NBEAL1: variants seen among roughly 807,000 people sequenced by gnomAD.
The protein encoded by NBEAL1 is neurobeachin-like protein 1.
Under a neutral mutation model 351.3 loss-of-function variants are expected in NBEAL1, and 273 were observed. The observed-to-expected ratio is 0.78, with a 90% confidence interval of 0.70 to 0.86. The LOEUF (loss-of-function observed/expected upper bound fraction) is 0.86. Among genes scored for constraint, NBEAL1 ranks in the 40% least tolerant of loss-of-function variants. The pLI is 0.00. For missense variants in NBEAL1, 2,961 were observed against 3,201.3 expected, an observed-to-expected ratio of 0.92 and a Z score of 1.81; for synonymous variants, 1,050 against 1,086.4, an observed-to-expected ratio of 0.97 and a Z score of 0.66.
rs2062612429 is a variant in NBEAL1, at chr2:203,113,251, G to A, written c.2439G>A (p.Gln813=). Residue 813 remains glutamine (Q), a synonymous_variant, in exon 17 of 56, where the codon CAG becomes CAA. Coordinates refer to ENST00000683969, the MANE Select transcript of NBEAL1 (RefSeq NM_001378026.1). ...GGTGTCCCACATCTCTGGAGGGTCA[G>A]CTAGGATCTGTTATCATCTTTTATG... ...EWGCPTSLEG[Q]LGSVIIFYEP... 5 of 1,510,138 alleles carry A rather than the reference G, an allele frequency of 3.3e-6. No individual in the cohort carries two copies. Among genetic ancestry groups the A allele is most frequent in the Non-Finnish European group, 3.5e-6 (4 of 1,128,432 alleles). 93.5% of individuals were successfully genotyped at this position (1,510,138 alleles called of 1,614,324 possible). A position where few individuals can be genotyped will look rare whatever the true frequency, so the allele number is the denominator to read the frequency against.
rs915419188 is a variant in NBEAL1, at chr2:203,144,829, A to G, written c.5078A>G (p.Asn1693Ser). Reference protein sequence around the residue: ...NLHLPSLPFTNGSSSFFEDFQ... With the variant: ...NLHLPSLPFTSGSSSFFEDFQ... Reference sequence around the variant, plus strand: ...CACCTACCTTCTTTACCTTTTACCAATGGTAGCTCCTCATTTTTTGAAGAT... The same window carrying G: ...CACCTACCTTCTTTACCTTTTACCAGTGGTAGCTCCTCATTTTTTGAAGAT... Residue 1693 changes from asparagine to serine, a missense_variant, in exon 32 of 56, where the codon AAT (asparagine) becomes AGT (serine). Physicochemically the swap from Asn to Ser is conservative, Grantham distance 46 (BLOSUM62 1). Transcript: ENST00000683969. The G allele has an allele frequency of 2.1e-5, 34 of 1,612,782 alleles. No individual in the cohort carries two copies. Among genetic ancestry groups the G allele is most frequent in the Non-Finnish European group, 2.7e-5 (32 of 1,179,600 alleles).
At chr2:203,187,152 C>T (rs2064921556) in intron 44 of NBEAL1, among the ~76,000 whole-genome samples, 1 of 151,884 alleles carries the variant, frequency 6.6e-6, no homozygotes, top group Middle Eastern at 3.2e-3. Context: ...GCAGCCGTGT[C>T]CTCCTGGGCT....
intron 48 of NBEAL1, among the ~76,000 whole-genome samples, chr2:203,198,784 GC>G (rs1470780929): frequency 6.6e-6 from 1 of 151,296 alleles, no homozygotes; most frequent in Admixed American, 6.6e-5. Flanking sequence ...GATTGCTTGC[GC>G]CCGGGAGGTT....
chr2:203,167,071 A>G (rs913918106), intron 37 of NBEAL1, among the ~76,000 whole-genome samples, 156 bp from the exon 38 acceptor site: 1 of 152,234 alleles, frequency 6.6e-6, no homozygotes, highest in East Asian at 1.9e-4. Flanking sequence ...TAAAAGAACC[A>G]GTTTAAATAT....
chr2:203,154,859 C>A (rs1398043664), intron 35 of NBEAL1, among the ~76,000 whole-genome samples: 1 of 146,774 alleles, frequency 6.8e-6, no homozygotes, highest in Admixed American at 7.0e-5. Flanking sequence ...TGCTTGAACC[C>A]AGGAGGTCGA....
chr2:203,015,295 A>G (rs1182814570), intron 1 of NBEAL1, among the ~76,000 whole-genome samples: 3 of 152,124 alleles, frequency 2.0e-5, no homozygotes, highest in Non-Finnish European at 4.4e-5. Context: ...TTCTTTGGGA[A>G]GTTCCTCGCC....
intron 35 of NBEAL1, among the ~76,000 whole-genome samples, chr2:203,155,418 C>G (rs2063774034): frequency 6.6e-6 from 1 of 151,638 alleles, no homozygotes; most frequent in Non-Finnish European, 1.5e-5. Flanking sequence ...TTCTTTCCTT[C>G]TTTCTTTTCC....
At chr2:203,165,200 A>T (rs1189370693) in intron 36 of NBEAL1, among the ~76,000 whole-genome samples, 1 of 152,176 alleles carries the variant, frequency 6.6e-6, no homozygotes, top group Non-Finnish European at 1.5e-5. Context: ...AAAGTCACCT[A>T]GGCCACCAAA....
intron 4 of NBEAL1, among the ~76,000 whole-genome samples, chr2:203,051,379 CA>C (rs1200016881): frequency 2.0e-5 from 3 of 151,584 alleles, no homozygotes; most frequent in Non-Finnish European, 4.4e-5. Context: ...CCTGTCTCTC[CA>C]AAAAAATGTA....
chr2:203,155,276 A>G (rs1034558620), intron 35 of NBEAL1, among the ~76,000 whole-genome samples: 2 of 151,464 alleles, frequency 1.3e-5, no homozygotes, highest in Non-Finnish European at 2.9e-5. Flanking sequence ...GATTTAAGAA[A>G]TTTTTTTTGT....
intron 41 of NBEAL1, 99 bp downstream of exon 41, chr2:203,172,952 A>G: frequency 1.1e-6 from 1 of 897,040 alleles, no homozygotes; most frequent in Admixed American, 3.1e-5. Flanking sequence ...TTTTTATCGT[A>G]CTACTACTTT....
At chr2:203,133,755 G>T (rs1303904087) in intron 27 of NBEAL1, among the ~76,000 whole-genome samples, 1 of 149,030 alleles carries the variant, frequency 6.7e-6, no homozygotes, top group Non-Finnish European at 1.5e-5. Flanking sequence ...TCTATATATA[G>T]AGTTTATATA....
At chr2:203,069,521 G>T (rs1404278668) in intron 7 of NBEAL1, among the ~76,000 whole-genome samples, 4 of 152,176 alleles carry the variant, frequency 2.6e-5, no homozygotes, top group Non-Finnish European at 5.9e-5. Flanking sequence ...AAATCAAATT[G>T]GTGTGTCAGG....
chr2:203,200,231 G>A (rs928672228), intron 49 of NBEAL1, among the ~76,000 whole-genome samples: 1 of 152,022 alleles, frequency 6.6e-6, no homozygotes, highest in Non-Finnish European at 1.5e-5. Context: ...TACAAAAATT[G>A]GCCGGGTGTG....
chr2:203,065,307 A>G (rs2061563869), intron 6 of NBEAL1, among the ~76,000 whole-genome samples: 1 of 152,194 alleles, frequency 6.6e-6, no homozygotes. Context: ...GAACTTGGGT[A>G]AACTCTATTT....
chr2:203,158,587 A>G (rs2063858597), intron 36 of NBEAL1, among the ~76,000 whole-genome samples: 1 of 152,258 alleles, frequency 6.6e-6, no homozygotes, highest in African/African-American at 2.4e-5. Flanking sequence ...ATTTCTTTGT[A>G]TAAGTTCAGT....
intron 55 of NBEAL1, among the ~76,000 whole-genome samples, chr2:203,215,050 A>C (rs945257017): frequency 2.0e-5 from 3 of 152,108 alleles, no homozygotes; most frequent in African/African-American, 7.2e-5. Context: ...CACTCCAATA[A>C]ATATACCCTG....
intron 2 of NBEAL1, among the ~76,000 whole-genome samples, chr2:203,026,167 T>C (rs1470432323): frequency 6.6e-6 from 1 of 152,348 alleles, no homozygotes; most frequent in East Asian, 1.9e-4. Context: ...TTTCCTGTTA[T>C]GTTAGCTTCA....
chr2:203,070,743 A>G (rs2061668862), intron 7 of NBEAL1, among the ~76,000 whole-genome samples: 1 of 152,142 alleles, frequency 6.6e-6, no homozygotes. Flanking sequence ...AAACTTTTAA[A>G]TGACCAGATC....
Sources: allele counts gnomAD v4.1 joint callset (sites outside exome capture counted in the v4.1 genomes callset), GRCh38; gene constraint gnomAD v4.1.1; transcripts MANE v1.5; gene names NCBI Gene and HGNC (gene_info 2026-07-23, HGNC 2026-07-21).